Variants in TDRD9 observed in about 807,000 individuals in gnomAD.
The protein encoded by TDRD9 is ATP-dependent RNA helicase TDRD9.
A neutral mutation model predicts 172.6 loss-of-function variants in TDRD9; 124 were observed. The ratio of observed to expected loss-of-function variants is 0.72; its 90% CI spans 0.62 to 0.83. The LOEUF (loss-of-function observed/expected upper bound fraction) is 0.83, where lower values mean the gene tolerates loss of function less well. Ranked by LOEUF, TDRD9 falls within the 40% of genes least tolerant of loss-of-function variation. The pLI is 0.00. For missense variants in TDRD9, 1,479 were observed against 1,714.1 expected, an observed-to-expected ratio of 0.86 and a Z score of 2.42; for synonymous variants, 619 against 617.1, an observed-to-expected ratio of 1.00 and a Z score of -0.05.
At position 104,011,029 on chromosome 14, in the gene TDRD9, T is replaced by G. The variant is rs149124759; in HGVS notation, c.2106+2563T>G. Reference sequence around the variant, plus strand: ...TTACACCAGCATCACTGCAGACACGTGAGTAAACGTGTTGCCCTACAACAG... The same window carrying G: ...TTACACCAGCATCACTGCAGACACGGGAGTAAACGTGTTGCCCTACAACAG... On this transcript the variant is annotated intron_variant, in intron 20 of 35. Coordinates refer to ENST00000409874, the MANE Select transcript of TDRD9 (RefSeq NM_153046.3). Among the ~76,000 whole-genome samples the G allele has an allele frequency of 1.4e-4, 21 of 152,272 alleles. No homozygotes were observed. In the East Asian group the frequency reaches 4.0e-3, roughly 29 times the overall value.
At chr14:104,008,311 C>A in intron 19 of TDRD9, 102 bp from the exon 20 acceptor site, 1 of 714,364 alleles carries the variant, frequency 1.4e-6, no homozygotes, top group Non-Finnish European at 2.4e-6. Flanking sequence ...CAGTAATTTA[C>A]ATTCATCATT....
intron 32 of TDRD9, 48 bp downstream of exon 32, chr14:104,035,104 G>A: frequency 3.3e-6 from 5 of 1,492,724 alleles, no homozygotes; most frequent in Non-Finnish European, 2.7e-6. Flanking sequence ...AAGAACCTGG[G>A]CGGGAAAAAA....
In TDRD9 at chr14:104,026,768, C is replaced by T. The variant is rs142715056; in HGVS notation, c.3111C>T (p.Phe1037=). 2.5e-5 allele frequency: 40 copies of T among 1,613,926 alleles called. No homozygotes were observed. The highest frequency in any genetic ancestry group is 1.3e-4 in the African/African-American group (10 of 75,020). ...KHWSDGASQW[F]ASLVSGCTLL... is the part of the protein sequence containing the mutation. ...GGAGTGACGGGGCCAGCCAGTGGTT[C>T]GCCTCTCTGGTGAGCGGCTGCACCC... The change falls in exon 28 of 36, where the codon TTC becomes TTT. Residue 1037 remains phenylalanine, a synonymous_variant. Coordinates refer to ENST00000409874, the MANE Select transcript of TDRD9 (RefSeq NM_153046.3).
chr14:104,051,762 T>A (rs61451840), intron 35 of TDRD9, among the ~76,000 whole-genome samples: 1 of 152,228 alleles, frequency 6.6e-6, no homozygotes, highest in Non-Finnish European at 1.5e-5. Context: ...TGAGAAGCGT[T>A]CATGTCTTTT....
intron 21 of TDRD9, 149 bp downstream of exon 21, chr14:104,014,990 C>A: frequency 2.2e-6 from 1 of 464,782 alleles, no homozygotes; most frequent in Non-Finnish European, 3.8e-6. Context: ...CGTTTGGGAA[C>A]CAGGAAACAT....
chr14:103,932,604 G>A (rs1312199814), intron 1 of TDRD9, among the ~76,000 whole-genome samples: 2 of 152,080 alleles, frequency 1.3e-5, no homozygotes. Flanking sequence ...AGCCAGGATG[G>A]TCTCGATCTC....
rs1451976763 is a variant in TDRD9, at chr14:103,987,121, TATACACAC to T, written c.1115+803_1115+810del. ...GAGCAAGACTCCATCTCAAAAAATA[TATACACAC>T]ACACACACACACACACACACACACA... On this transcript the variant is annotated intron_variant, in intron 8 of 35. Transcript: ENST00000409874. 7.9e-5 allele frequency among the ~76,000 whole-genome samples: 10 copies of T among 126,430 alleles called. No homozygotes were observed. In the East Asian group the frequency reaches 1.2e-3, roughly 15 times the overall value. The allele number at this position is 126,430 out of a possible 152,430, so 82.9% of individuals were successfully genotyped here.
At chr14:104,024,468 T>C in intron 24 of TDRD9, 101 bp from the exon 25 acceptor site, 1 of 601,680 alleles carries the variant, frequency 1.7e-6, no homozygotes. Context: ...GTTCTTTTCT[T>C]GTAGAAATAT....
At chr14:104,042,250 A>G (rs1360520213) in intron 34 of TDRD9, 63 bp downstream of exon 34, 8 of 1,152,022 alleles carry the variant, frequency 6.9e-6, no homozygotes, top group African/African-American at 4.6e-5. Flanking sequence ...TGCCTTGATC[A>G]TGGCTGTTTT....
intron 2 of TDRD9, among the ~76,000 whole-genome samples, chr14:103,957,789 G>A (rs183462988): frequency 1.3e-5 from 2 of 152,286 alleles, no homozygotes; most frequent in African/African-American, 4.8e-5. Flanking sequence ...GCAGCAGCCC[G>A]GCACACCCTG....
intron 34 of TDRD9, among the ~76,000 whole-genome samples, chr14:104,045,259 C>T (rs1020451655): frequency 1.3e-5 from 2 of 152,162 alleles, no homozygotes; most frequent in Non-Finnish European, 2.9e-5. Flanking sequence ...CAGCACGAGG[C>T]ACCGGCACGT....
In TDRD9 at chr14:104,028,925, A is replaced by G. The variant is rs528597271; in HGVS notation, c.3282+1986A>G. On this transcript the variant is annotated intron_variant, in intron 28 of 35. Coordinates refer to ENST00000409874, the MANE Select transcript of TDRD9 (RefSeq NM_153046.3). ...ATGTCCAGTTTTCCCAGCACCATCT[A>G]TTGAAGAGACTCTCCTTTCCCCAAT... Among the ~76,000 whole-genome samples, 11 of 152,300 alleles carry G rather than the reference A, an allele frequency of 7.2e-5. No homozygotes were observed. In the South Asian group the frequency reaches 1.9e-3, roughly 26 times the overall value.
chr14:103,955,842 G>A lies in TDRD9; in HGVS notation c.322+72G>A, dbSNP rs910969619. ...CACATGCTAAAATATTAGGTTCATA[G>A]TGCATGCCTGTAATTCCAGCTACTC... On this transcript the variant is annotated intron_variant, in intron 2 of 35. Transcript: ENST00000409874. The A allele has an allele frequency of 3.1e-5, 39 of 1,267,660 alleles. No individual in the cohort carries two copies. In the African/African-American group the frequency reaches 5.7e-4, roughly 19 times the overall value. 78.5% of individuals were successfully genotyped at this position (1,267,660 alleles called of 1,614,324 possible).
intron 5 of TDRD9, among the ~76,000 whole-genome samples, chr14:103,969,656 C>T (rs886373785): frequency 1.3e-5 from 2 of 152,196 alleles, no homozygotes; most frequent in African/African-American, 4.8e-5. Flanking sequence ...GGAGAACTCC[C>T]TCTTTGAAAC....
chr14:104,043,480 C>T (rs377491964), intron 34 of TDRD9, among the ~76,000 whole-genome samples: 40 of 152,204 alleles, frequency 2.6e-4, no homozygotes, highest in East Asian at 7.7e-4. Flanking sequence ...GCGATCCACC[C>T]GCTTCAGCCT....
rs906833275 is a variant in TDRD9, at chr14:103,997,010, C to T, written c.1378+1203C>T. On this transcript the variant is annotated intron_variant, in intron 12 of 35. Transcript: ENST00000409874. The surrounding 1 kb of genome is among the most constrained non-coding windows in gnomAD (Gnocchi z 5.1). ...AGCAAGGAGGCCAGGGCAGCTGGAC[C>T]AGTGTGAACGAAGGGGAAACGAGCC... Among the ~76,000 whole-genome samples, 6 of 151,982 alleles carry T rather than the reference C, an allele frequency of 3.9e-5. No homozygotes were observed. In the South Asian group the frequency reaches 8.3e-4, roughly 21 times the overall value.
chr14:103,976,335 G>A (rs543129901), intron 7 of TDRD9, among the ~76,000 whole-genome samples: 6 of 149,860 alleles, frequency 4.0e-5, no homozygotes, highest in African/African-American at 7.4e-5. Context: ...GTGCAGTGGC[G>A]CGATCTCAGC....
intron 20 of TDRD9, 53 bp downstream of exon 20, chr14:104,008,519 A>G (rs2034516120): frequency 8.7e-7 from 1 of 1,147,254 alleles, no homozygotes; most frequent in Non-Finnish European, 1.3e-6. Context: ...CTTATGAAAT[A>G]TTTATTAAAT....
intron 32 of TDRD9, among the ~76,000 whole-genome samples, chr14:104,037,416 A>G (rs2035485029): frequency 6.6e-6 from 1 of 152,196 alleles, no homozygotes; most frequent in Non-Finnish European, 1.5e-5. Context: ...CGAAGCTTGC[A>G]GTCTCTGGGT....
Sources: gnomAD v4.1 joint callset for allele counts (sites outside exome capture counted in the v4.1 genomes callset) on GRCh38, gnomAD v4.1.1 for gene constraint, Gnocchi (gnomAD v3.1) non-coding constraint, MANE v1.5 for transcripts, NCBI Gene and HGNC (gene_info 2026-07-23, HGNC 2026-07-21) for gene names.